C1QTNF3: variants seen among roughly 807,000 people sequenced by gnomAD.
C1QTNF3 encodes the protein complement C1q tumor necrosis factor-related protein 3.
C1QTNF3 carries 26 observed loss-of-function variants against 32.6 expected under a neutral mutation model. That is an observed-to-expected ratio of 0.80 (90% confidence interval 0.58 to 1.11). The LOEUF (loss-of-function observed/expected upper bound fraction) is 1.11. Ranked by LOEUF, C1QTNF3 falls within the 50% of genes least tolerant of loss-of-function variation. The probability of loss-of-function intolerance (pLI) is 0.00; values close to 1 mark genes in which losing one functional copy is unlikely to be tolerated. For missense variants in C1QTNF3, 362 were observed against 398.2 expected (o/e 0.91, Z 0.77); for synonymous variants, 155 against 146.0 (o/e 1.06, Z -0.44).
chr5:34,088,948 G>T, the C1QTNF3 span, among the ~76,000 whole-genome samples: 4 of 151,094 alleles, frequency 2.6e-5, no homozygotes, highest in Admixed American at 2.0e-4. Context: ...ATTTTTTTTT[G>T]ATAACCTCCT....
the C1QTNF3 span, among the ~76,000 whole-genome samples, chr5:34,084,800 GTTTT>G: frequency 7.1e-4 from 18 of 25,364 alleles, no homozygotes; most frequent in East Asian, 8.8e-3. Context: ...TTTTTTTTTT[GTTTT>G]TTTTGTTTTT....
chr5:34,059,282 T>G, the C1QTNF3 span, among the ~76,000 whole-genome samples: 10 of 152,172 alleles, frequency 6.6e-5, no homozygotes, highest in African/African-American at 2.4e-5. Context: ...TGTCTCTCTG[T>G]GTCTCTAAAT....
chr5:34,186,535 A>C, the C1QTNF3 span, among the ~76,000 whole-genome samples: 7 of 149,404 alleles, frequency 4.7e-5, no homozygotes, highest in African/African-American at 1.7e-4. Context: ...AGGGTGTCTC[A>C]ATGTTGCCCA....
At chr5:34,130,134 C>T in the C1QTNF3 span, among the ~76,000 whole-genome samples, 218 of 144,714 alleles carry the variant, frequency 1.5e-3, 1 homozygote, top group East Asian at 6.7e-3. Flanking sequence ...TATATATATA[C>T]ACACACACAC....
the C1QTNF3 span, among the ~76,000 whole-genome samples, chr5:34,084,986 C>CTT: frequency 0.019 from 1,354 of 70,054 alleles, 9 homozygotes; most frequent in East Asian, 0.027. Flanking sequence ...ACGTTTAAGT[C>CTT]TTTTTTTTTT....
At chr5:34,059,139 A>G in the C1QTNF3 span, among the ~76,000 whole-genome samples, 1 of 152,160 alleles carries the variant, frequency 6.6e-6, no homozygotes, top group South Asian at 2.1e-4. Flanking sequence ...TAGACAGCAG[A>G]CGTTTATTTT....
the C1QTNF3 span, among the ~76,000 whole-genome samples, chr5:34,237,869 C>G: frequency 6.6e-6 from 1 of 152,088 alleles, no homozygotes; most frequent in East Asian, 1.9e-4. Context: ...AGGAGCAGAT[C>G]TGGTGATGGA....
chr5:34,235,555 T>C, the C1QTNF3 span, among the ~76,000 whole-genome samples: 2 of 149,588 alleles, frequency 1.3e-5, no homozygotes, highest in South Asian at 4.2e-4. Flanking sequence ...TCTTTTTTTT[T>C]TTTTTTTTTT....
chr5:34,167,974 A>G, the C1QTNF3 span: 2 of 151,914 alleles, frequency 1.3e-5, no homozygotes, highest in Non-Finnish European at 2.9e-5. Flanking sequence ...CACATGTTCA[A>G]CCTTCCACTT....
At chr5:34,052,356 C>T in the C1QTNF3 span, among the ~76,000 whole-genome samples, 2 of 152,140 alleles carry the variant, frequency 1.3e-5, no homozygotes. Flanking sequence ...TTCATTAATG[C>T]TGTTCTCTTC....
chr5:34,135,122 G>A, the C1QTNF3 span, among the ~76,000 whole-genome samples: 1 of 152,172 alleles, frequency 6.6e-6, no homozygotes, highest in African/African-American at 2.4e-5. Context: ...AACGTTTTCA[G>A]CATGAAGGGC....
chr5:34,055,943 A>C, the C1QTNF3 span, among the ~76,000 whole-genome samples: 7,814 of 152,268 alleles, frequency 0.051, 622 homozygotes, highest in African/African-American at 0.17. Flanking sequence ...CACCCCGTCA[A>C]AATCTGGACC....
chr5:34,111,141 A>G, the C1QTNF3 span, among the ~76,000 whole-genome samples: 9 of 152,204 alleles, frequency 5.9e-5, no homozygotes, highest in Non-Finnish European at 4.4e-5. Context: ...AAAGCAACAT[A>G]CTTTATCTGA....
chr5:34,154,162 T>C, the C1QTNF3 span, among the ~76,000 whole-genome samples: 4 of 152,180 alleles, frequency 2.6e-5, no homozygotes, highest in Admixed American at 1.3e-4. Flanking sequence ...TATTGTGAAG[T>C]AGTAGTAATC....
intron 2 of C1QTNF3, among the ~76,000 whole-genome samples, chr5:34,034,016 A>T (rs1754679081): frequency 6.6e-6 from 1 of 152,162 alleles, no homozygotes. Flanking sequence ...GAAATTAAAA[A>T]ATTAGCCAGG....
At chr5:34,090,692 G>A in the C1QTNF3 span, among the ~76,000 whole-genome samples, 2 of 152,258 alleles carry the variant, frequency 1.3e-5, no homozygotes, top group East Asian at 1.9e-4. Flanking sequence ...GGTTATAAGC[G>A]TGGAGCCCTA....
At chr5:34,172,705 G>A in the C1QTNF3 span, among the ~76,000 whole-genome samples, 2 of 152,132 alleles carry the variant, frequency 1.3e-5, no homozygotes, top group South Asian at 2.1e-4. Flanking sequence ...TCTGTATGAA[G>A]TGAATGATAT....
At chr5:34,189,003 G>A in the C1QTNF3 span, among the ~76,000 whole-genome samples, 1 of 149,230 alleles carries the variant, frequency 6.7e-6, no homozygotes. Context: ...TAAGTCTCAT[G>A]AGGTCTGATG....
At chr5:34,063,182 G>T in the C1QTNF3 span, among the ~76,000 whole-genome samples, 1 of 152,068 alleles carries the variant, frequency 6.6e-6, no homozygotes, top group Non-Finnish European at 1.5e-5. Flanking sequence ...AAGGAATGGG[G>T]TACACTGTTT....
Sources: gnomAD v4.1 joint callset for allele counts (sites outside exome capture counted in the v4.1 genomes callset) on GRCh38, gnomAD v4.1.1 for gene constraint, MANE v1.5 for transcripts, NCBI Gene and HGNC (gene_info 2026-07-23, HGNC 2026-07-21) for gene names.